EEFSEC: variants seen among roughly 807,000 people sequenced by gnomAD.
The protein encoded by EEFSEC is eukaryotic elongation factor, selenocysteine-tRNA specific, also known as selenocysteine-specific elongation factor.
EEFSEC carries 43 observed loss-of-function variants against 42.1 expected under a neutral mutation model. That is an observed-to-expected ratio of 1.02 (90% CI 0.80 to 1.32). EEFSEC has a LOEUF of 1.32. Among genes scored for constraint, EEFSEC ranks in the 40% most tolerant of loss-of-function variants. EEFSEC has a pLI of 0.00. For missense variants in EEFSEC, 745 were observed against 803.6 expected (o/e 0.93, Z 0.88); for synonymous variants, 354 against 339.1 (o/e 1.04, Z -0.48).
At chr3:128,190,071 C>T (rs1445668122) in intron 1 of EEFSEC, among the ~76,000 whole-genome samples, 2 of 152,236 alleles carry the variant, frequency 1.3e-5, no homozygotes, top group African/African-American at 2.4e-5. Flanking sequence ...CCATGTCCCC[C>T]AGGCTGGTCT....
At chr3:128,311,939 T>C (rs915188362) in intron 4 of EEFSEC, among the ~76,000 whole-genome samples, 79 of 152,176 alleles carry the variant, frequency 5.2e-4, no homozygotes, top group African/African-American at 1.8e-3. Flanking sequence ...CCCGCTTGAC[T>C]CTGTGCTGCT....
chr3:128,234,133 A>G (rs1163205939), intron 1 of EEFSEC, among the ~76,000 whole-genome samples: 1 of 151,746 alleles, frequency 6.6e-6, no homozygotes, highest in African/African-American at 2.4e-5. Context: ...GCTCACTGCA[A>G]CCTCTGCCTC....
At chr3:128,258,089 A>G (rs1313119403) in intron 2 of EEFSEC, among the ~76,000 whole-genome samples, 22 of 152,152 alleles carry the variant, frequency 1.4e-4, no homozygotes, top group Non-Finnish European at 2.8e-4. Context: ...GATGGCACAC[A>G]AATTTGACAA....
rs752265270 is a variant in EEFSEC, at chr3:128,153,851, G to A, written c.316+28G>A. ...GAGCGCGGGCCGGGGCGGGAGCCGG[G>A]CTCAGGGACGCGGGCGGAGCGACCG... On this transcript the variant is annotated intron_variant, in intron 1 of 6. Coordinates refer to ENST00000254730, the MANE Select transcript of EEFSEC (RefSeq NM_021937.5). 3.4e-6 allele frequency: 5 copies of A among 1,474,688 alleles called. No homozygotes were observed. In the South Asian group the frequency reaches 4.0e-5, roughly 12 times the overall value. The allele number at this position is 1,474,688 out of a possible 1,614,324, so 91.4% of individuals were successfully genotyped here.
intron 1 of EEFSEC, among the ~76,000 whole-genome samples, chr3:128,204,360 C>T (rs2065671639): frequency 6.6e-6 from 1 of 152,214 alleles, no homozygotes; most frequent in Non-Finnish European, 1.5e-5. Context: ...AGTCAACTCT[C>T]AATAAATATT....
chr3:128,312,748 G>A (rs1022524529), intron 4 of EEFSEC, among the ~76,000 whole-genome samples: 18 of 152,244 alleles, frequency 1.2e-4, no homozygotes, highest in African/African-American at 4.1e-4. Flanking sequence ...CCTGGGCCAG[G>A]CTGTGGGGAG....
At chr3:128,305,354 T>G (rs1457261349) in intron 4 of EEFSEC, among the ~76,000 whole-genome samples, 1 of 152,224 alleles carries the variant, frequency 6.6e-6, no homozygotes, top group Non-Finnish European at 1.5e-5. Flanking sequence ...ATTTTTGTCA[T>G]GTCAAGTCTT....
At chr3:128,301,366 T>C (rs1485794045) in intron 4 of EEFSEC, among the ~76,000 whole-genome samples, 2 of 152,166 alleles carry the variant, frequency 1.3e-5, no homozygotes, top group Non-Finnish European at 2.9e-5. Flanking sequence ...TCACTTCCCC[T>C]GTGAAGCCTG....
At chr3:128,350,898 G>C (rs1480303256) in intron 5 of EEFSEC, among the ~76,000 whole-genome samples, 1 of 152,196 alleles carries the variant, frequency 6.6e-6, no homozygotes, top group African/African-American at 2.4e-5. Flanking sequence ...GACACTGTCC[G>C]TGGGGAAAGT....
intron 5 of EEFSEC, among the ~76,000 whole-genome samples, 158 bp downstream of exon 5, chr3:128,342,047 G>A (rs1487130439): frequency 6.6e-6 from 1 of 152,242 alleles, no homozygotes; most frequent in Non-Finnish European, 1.5e-5. Flanking sequence ...GCCCAGAATG[G>A]TCAGGTGGCC....
chr3:128,407,373 C>G (rs1406914040), intron 6 of EEFSEC, among the ~76,000 whole-genome samples: 1 of 152,182 alleles, frequency 6.6e-6, no homozygotes, highest in Non-Finnish European at 1.5e-5. Flanking sequence ...CCCCATGGCC[C>G]CACTGGGGTG....
intron 1 of EEFSEC, among the ~76,000 whole-genome samples, chr3:128,159,737 CTGTT>C (rs762416056): frequency 5.1e-4 from 78 of 152,336 alleles, no homozygotes; most frequent in Non-Finnish European, 9.4e-4. Context: ...GTTGTTGCCT[CTGTT>C]TGGTACATCT....
intron 1 of EEFSEC, among the ~76,000 whole-genome samples, chr3:128,186,793 TA>T (rs1035011079): frequency 1.3e-5 from 2 of 152,228 alleles, no homozygotes; most frequent in African/African-American, 2.4e-5. Context: ...TATTCTGAAC[TA>T]TTTTTTTTTT....
chr3:128,348,287 T>C (rs1369915341), intron 5 of EEFSEC, among the ~76,000 whole-genome samples: 2 of 151,840 alleles, frequency 1.3e-5, no homozygotes, highest in African/African-American at 2.4e-5. Context: ...CGTGTGTGTG[T>C]GTGTGCGTGT....
chr3:128,246,232 A>G (rs569658231), intron 1 of EEFSEC, among the ~76,000 whole-genome samples: 85 of 4,974 alleles, frequency 0.017, no homozygotes, highest in African/African-American at 0.025. Flanking sequence ...GCGTGCACGC[A>G]CACACACACA....
chr3:128,270,701 T>C (rs2066404623), intron 4 of EEFSEC, among the ~76,000 whole-genome samples: 1 of 152,250 alleles, frequency 6.6e-6, no homozygotes, highest in African/African-American at 2.4e-5. Context: ...CTCTTCCAGA[T>C]CTGCCCTTCC....
chr3:128,388,616 G>A (rs76430965), intron 6 of EEFSEC, among the ~76,000 whole-genome samples: 51 of 152,362 alleles, frequency 3.3e-4, no homozygotes, highest in African/African-American at 1.2e-3. Context: ...GCTGAGTGAG[G>A]CCACTGCTGT....
chr3:128,156,603 A>G (rs1038849143), intron 1 of EEFSEC, among the ~76,000 whole-genome samples: 2 of 152,364 alleles, frequency 1.3e-5, no homozygotes, highest in Admixed American at 1.3e-4. Flanking sequence ...CAAACTTTTC[A>G]TCAAATATTA....
intron 4 of EEFSEC, among the ~76,000 whole-genome samples, chr3:128,281,341 G>A (rs532123463): frequency 6.6e-6 from 1 of 152,322 alleles, no homozygotes; most frequent in East Asian, 1.9e-4. Flanking sequence ...AGGAGTGATT[G>A]CAGCCCCTCC....
Sources: gnomAD v4.1 joint callset for allele counts (sites outside exome capture counted in the v4.1 genomes callset) on GRCh38, gnomAD v4.1.1 for gene constraint, MANE v1.5 for transcripts, NCBI Gene and HGNC (gene_info 2026-07-23, HGNC 2026-07-21) for gene names.